Variants in MINDY4 observed in about 807,000 individuals in gnomAD.
MINDY4 encodes MINDY lysine 48 deubiquitinase 4.
In MINDY4, 68 loss-of-function variants were observed where a neutral mutation model predicts 87.0. The observed-to-expected ratio is 0.78, with a 90% CI of 0.64 to 0.96. The LOEUF is 0.96. MINDY4 is among the 40% of genes least tolerant of loss of function. The probability of loss-of-function intolerance (pLI) is 0.00; values close to 1 mark genes in which losing one functional copy is unlikely to be tolerated. For synonymous variants in MINDY4, 379 were observed against 363.2 expected (o/e 1.04, Z -0.50); for missense variants, 919 against 928.2 (o/e 0.99, Z 0.13).
intron 13 of MINDY4, among the ~76,000 whole-genome samples, chr7:30,865,088 A>G (rs999086653): frequency 7.2e-5 from 11 of 152,176 alleles, no homozygotes; most frequent in Admixed American, 2.0e-4. Flanking sequence ...GCCCAGAATA[A>G]TGAATAATGA....
chr7:30,786,065 GTT>G, intron 4 of MINDY4, 73 bp downstream of exon 4: 1 of 1,579,468 alleles, frequency 6.3e-7, no homozygotes, highest in African/African-American at 1.3e-5. Flanking sequence ...GCACGCCTGG[GTT>G]TATTTGGGGT....
intron 10 of MINDY4, among the ~76,000 whole-genome samples, chr7:30,851,530 CG>C (rs1241453127): frequency 6.6e-6 from 1 of 152,170 alleles, no homozygotes; most frequent in African/African-American, 2.4e-5. Flanking sequence ...CTAAGCACCA[CG>C]TTTTAGATAT....
At chr7:30,816,402 T>C (rs998946500) in intron 5 of MINDY4, among the ~76,000 whole-genome samples, 1 of 152,174 alleles carries the variant, frequency 6.6e-6, no homozygotes, top group African/African-American at 2.4e-5. Flanking sequence ...CAGATCTTGC[T>C]CTGGCTCTGC....
intron 7 of MINDY4, among the ~76,000 whole-genome samples, chr7:30,838,058 GA>G (rs1381420490): frequency 6.6e-6 from 1 of 152,224 alleles, no homozygotes; most frequent in Non-Finnish European, 1.5e-5. Context: ...AGTGGCTGTA[GA>G]ATCCACCTGC....
At chr7:30,792,719 C>T (rs1787362987) in intron 5 of MINDY4, among the ~76,000 whole-genome samples, 1 of 151,616 alleles carries the variant, frequency 6.6e-6, no homozygotes, top group African/African-American at 2.4e-5. Context: ...TTGTTTCATT[C>T]CTGTGATTGG....
Position 30,778,516 on chromosome 7 carries a change from G to C in MINDY4, c.148G>C (p.Val50Leu). 1 of 1,614,212 alleles carries C rather than the reference G, an allele frequency of 6.2e-7. No homozygotes were observed. Among genetic ancestry groups the C allele is most frequent in the Non-Finnish European group, 8.5e-7 (1 of 1,180,032 alleles). Residue 50 changes from valine (V) to leucine (L), a missense_variant, in exon 2 of 18, where the codon GTT (valine) becomes CTT (leucine). Transcript: ENST00000265299. ...AAACAACAGAAATGATCTTCGAAAGGTTTTGCATCTTGAATTTCTCTATAA... is the reference window on the plus strand; with the variant it reads ...AAACAACAGAAATGATCTTCGAAAGCTTTTGCATCTTGAATTTCTCTATAA... ...SINNRNDLRK[V>L]LHLEFLYKEN...
intron 13 of MINDY4, among the ~76,000 whole-genome samples, chr7:30,866,198 C>T (rs376500004): frequency 1.3e-5 from 2 of 152,228 alleles, no homozygotes; most frequent in Non-Finnish European, 1.5e-5. Context: ...GGTCTCAAGA[C>T]CCTCGGTCCT....
chr7:30,876,846 T>C (rs1790274879), intron 15 of MINDY4, among the ~76,000 whole-genome samples: 1 of 152,080 alleles, frequency 6.6e-6, no homozygotes, highest in Non-Finnish European at 1.5e-5. Flanking sequence ...AGAGATTGAC[T>C]CAGCAGGGCC....
At chr7:30,796,199 G>T (rs1004180777) in intron 5 of MINDY4, among the ~76,000 whole-genome samples, 1 of 151,750 alleles carries the variant, frequency 6.6e-6, no homozygotes, top group Non-Finnish European at 1.5e-5. Flanking sequence ...ACTCTCAAAA[G>T]ATTTTTTTGT....
chr7:30,821,766 C>T (rs1438905941), intron 5 of MINDY4, among the ~76,000 whole-genome samples: 1 of 121,664 alleles, frequency 8.2e-6, no homozygotes, highest in Non-Finnish European at 1.6e-5. Context: ...TTATCTCTCT[C>T]CTGATGGTGA....
At chr7:30,812,528 C>G (rs1175820472) in intron 5 of MINDY4, among the ~76,000 whole-genome samples, 1 of 152,124 alleles carries the variant, frequency 6.6e-6, no homozygotes, top group Non-Finnish European at 1.5e-5. Flanking sequence ...GTTTGTTATT[C>G]AATGCTGGAA....
At chr7:30,818,182 A>G (rs1351499161) in intron 5 of MINDY4, among the ~76,000 whole-genome samples, 2 of 152,190 alleles carry the variant, frequency 1.3e-5, no homozygotes, top group African/African-American at 2.4e-5. Flanking sequence ...TTCTGCATCT[A>G]TTTAGATTAT....
intron 6 of MINDY4, among the ~76,000 whole-genome samples, chr7:30,830,373 G>A (rs902442722): frequency 1.3e-5 from 2 of 152,102 alleles, no homozygotes; most frequent in Non-Finnish European, 2.9e-5. Flanking sequence ...GTTCTGTGAT[G>A]GGTTTCTGTA....
At chr7:30,798,663 A>AT (rs1300170441) in intron 5 of MINDY4, among the ~76,000 whole-genome samples, 7 of 151,734 alleles carry the variant, frequency 4.6e-5, no homozygotes, top group Admixed American at 2.0e-4. Context: ...CGCCTGGCTA[A>AT]TTTTTTTTGC....
rs575560486 is a variant in MINDY4 at position 30,824,641 on chromosome 7, A to T, written c.1074-4038A>T. Among the ~76,000 whole-genome samples the T allele has an allele frequency of 3.2e-4, 48 of 152,256 alleles. 1 individual carries two copies. The South Asian group carries it at 9.8e-3, about 31-fold the overall frequency. ...TTTAGAGGTAGTGGCTTGCGTGATC[A>T]TAGCTCACTGCAGCCTTAAACTCCT... On this transcript the variant is annotated intron_variant, in intron 5 of 17. Coordinates refer to ENST00000265299, the MANE Select transcript of MINDY4 (RefSeq NM_032222.3).
rs1025636370 is a variant in MINDY4 at position 30,837,522 on chromosome 7, C to G, written c.1239+758C>G. Among the ~76,000 whole-genome samples, 3 of 152,184 alleles carry G rather than the reference C, an allele frequency of 2.0e-5. 1 individual carries two copies. Among genetic ancestry groups the G allele is most frequent in the Admixed American group, 1.3e-4 (2 of 15,278 alleles). ...GGTTTTGTCCTTTCGTTTCCTTCCC[C>G]TCTCCTCCCCTCTCCCCTTCTCTCT... On this transcript the variant is annotated intron_variant, in intron 7 of 17. Transcript: ENST00000265299.
At position 30,850,518 on chromosome 7, in the gene MINDY4, TG is replaced by T. The variant is rs1308421009; in HGVS notation, c.1512del (p.Trp504CysfsTer32). The T allele has an allele frequency of 6.2e-7, 1 of 1,611,306 alleles. No homozygotes were observed. The highest frequency in any genetic ancestry group is 1.3e-5 in the African/African-American group (1 of 75,026). Reference protein sequence around the residue: ...CLVLALADIVWRAGGRERAVV... With the variant: ...CLVLALADIVXRAGGRERAVV... ...CGTCCTGGCCCTCGCAGACATTGTG[TG>T]GCGGGCAGGGGGCCGAGAGAGAGCC... is the stretch of plus-strand genomic sequence containing the variant. On this transcript the variant is annotated frameshift_variant, in exon 10 of 18. Transcript: ENST00000265299. LOFTEE classifies it high-confidence loss of function.
Position 30,791,281 on chromosome 7 carries a change from G to A in MINDY4, c.780G>A (p.Leu260=). 1 of 1,614,170 alleles carries A rather than the reference G, an allele frequency of 6.2e-7. No homozygotes were observed. Among genetic ancestry groups the A allele is most frequent in the Non-Finnish European group, 8.5e-7 (1 of 1,180,028 alleles). ...TTGTCTGCACCCAACAGGACATTCT[G>A]GCTTCGAGCAACAGCTCCCCCTCCA... ...ELFVCTQQDI[L]ASSNSSPSRT... is the part of the protein sequence containing the mutation. The change falls in exon 5 of 18, where the codon CTG becomes CTA. Residue 260 remains leucine (L), a synonymous_variant. Transcript: ENST00000265299.
intron 5 of MINDY4, among the ~76,000 whole-genome samples, chr7:30,797,957 C>T (rs1044595951): frequency 6.6e-6 from 1 of 152,110 alleles, no homozygotes; most frequent in South Asian, 2.1e-4. Context: ...TTTTCAGAAG[C>T]GCATCCACAT....
Sources: gnomAD v4.1 joint callset for allele counts (sites outside exome capture counted in the v4.1 genomes callset) on GRCh38, gnomAD v4.1.1 for gene constraint, MANE v1.5 for transcripts, NCBI Gene and HGNC (gene_info 2026-07-23, HGNC 2026-07-21) for gene names.